The following PECAM1 variants were observed in gnomAD, a reference collection of about 807,000 sequenced individuals.
PECAM1 encodes platelet endothelial cell adhesion molecule.
PECAM1 carries 8 observed loss-of-function variants against 13.8 expected under a neutral mutation model. That is an observed-to-expected ratio of 0.58 (90% CI 0.34 to 1.05). The LOEUF is 1.05. PECAM1 is among the 50% of genes least tolerant of loss of function. PECAM1 has a pLI of 0.03. For missense variants in PECAM1, 304 were observed against 141.2 expected, an observed-to-expected ratio of 2.15 and a Z score of -5.84; for synonymous variants, 136 against 52.6, an observed-to-expected ratio of 2.58 and a Z score of -6.86.
rs2035845670 is a variant in PECAM1, at chr17:64,356,345, C to G, written c.1546G>C (p.Gly516Arg). The change falls in exon 8 of 16, where the codon GGA (glycine) becomes CGA (arginine). Residue 516 changes from glycine (G) to arginine (R), a missense_variant. Physicochemically the swap from Gly to Arg is moderately radical, Grantham distance 125. Coordinates refer to ENST00000563924, the MANE Select transcript of PECAM1 (RefSeq NM_000442.5). ...SILSSKVVES[G>R]EDIVLQCAVN... ...GCACATTGCAGCACAATGTCCTCTC[C>G]AGACTCCACCACCTTACTTGACAGG... is the stretch of plus-strand genomic sequence containing the variant. The G allele has an allele frequency of 2.1e-6, 1 of 473,636 alleles. No homozygotes were observed. Among genetic ancestry groups the G allele is most frequent in the Non-Finnish European group, 3.9e-6 (1 of 258,502 alleles). The allele number at this position is 473,636 out of a possible 1,614,324, so 29.3% of individuals were successfully genotyped here. A position where few individuals can be genotyped will look rare whatever the true frequency, so the allele number is the denominator to read the frequency against.
At chr17:64,360,826 G>A (rs892383503) in intron 6 of PECAM1, among the ~76,000 whole-genome samples, 10 of 151,808 alleles carry the variant, frequency 6.6e-5, no homozygotes, top group African/African-American at 2.4e-4. Context: ...GTGTGTGTGT[G>A]TGTGTGTGTG....
At chr17:64,363,999 C>T (rs903130022) in intron 5 of PECAM1, among the ~76,000 whole-genome samples, 13 of 151,908 alleles carry the variant, frequency 8.6e-5, no homozygotes, top group Admixed American at 3.3e-4. Flanking sequence ...GAAATAGAGA[C>T]ACAAAAAACC....
At chr17:64,361,482 G>A (rs887555704) in intron 6 of PECAM1, among the ~76,000 whole-genome samples, 2 of 151,812 alleles carry the variant, frequency 1.3e-5, no homozygotes, top group Admixed American at 6.6e-5. Context: ...AGCCAGTCAC[G>A]GTGGCTCATG....
intron 14 of PECAM1, among the ~76,000 whole-genome samples, chr17:64,334,901 A>T (rs2143703715): frequency 6.6e-6 from 1 of 152,176 alleles, no homozygotes; most frequent in African/African-American, 2.4e-5. Context: ...ATGCTGAAAG[A>T]TCCCTCCAGG....
chr17:64,323,092 T>C lies in PECAM1; in HGVS notation c.*724A>G. ...AGAATAATATTTGCTGATGGCACCA[T>C]CTTCCTGTCTTTCAGCCTTCAGCAT... On this transcript the variant is annotated 3_prime_UTR_variant, in exon 16 of 16. Transcript: ENST00000563924. The C allele has an allele frequency of 6.1e-6, 6 of 984,416 alleles. No individual in the cohort carries two copies. The highest frequency in any genetic ancestry group is 7.2e-6 in the Non-Finnish European group (6 of 828,974). 61.0% of individuals were successfully genotyped at this position (984,416 alleles called of 1,614,324 possible).
rs2143846627 is a variant in PECAM1 at position 64,369,865 on chromosome 17, A to G, written c.852T>C (p.His284=). ...KDKAIVAHNR[H]GNKAVYSVMA... is the part of the protein sequence containing the mutation. ...TGACTGAGTACACAGCCTTGTTGCCATGTCTGTTGTGGGCCACAATCGCCT... is the reference window on the plus strand; with the variant it reads ...TGACTGAGTACACAGCCTTGTTGCCGTGTCTGTTGTGGGCCACAATCGCCT... Residue 284 remains histidine, a synonymous_variant, in exon 5 of 16, where the codon CAT becomes CAC. Transcript: ENST00000563924. The G allele has an allele frequency of 5.0e-6, 2 of 398,534 alleles. No individual in the cohort carries two copies. The highest frequency in any genetic ancestry group is 3.6e-5 in the East Asian group (1 of 28,070). The allele number at this position is 398,534 out of a possible 1,614,324, so 24.7% of individuals were successfully genotyped here.
intron 5 of PECAM1, among the ~76,000 whole-genome samples, chr17:64,367,006 CAA>C (rs56908523): frequency 8.9e-5 from 11 of 123,910 alleles, no homozygotes; most frequent in African/African-American, 3.0e-4. Flanking sequence ...AACTCCATTT[CAA>C]AAAAAAAAAA....
chr17:64,353,693 G>C (rs2035784075), intron 9 of PECAM1, among the ~76,000 whole-genome samples, 175 bp from the exon 10 acceptor site: 1 of 151,988 alleles, frequency 6.6e-6, no homozygotes, highest in Non-Finnish European at 1.5e-5. Flanking sequence ...AGCTACGTTT[G>C]ACTTCCCAGA....
At chr17:64,366,067 C>A (rs2036097115) in intron 5 of PECAM1, among the ~76,000 whole-genome samples, 1 of 149,134 alleles carries the variant, frequency 6.7e-6, no homozygotes. Flanking sequence ...TTTTTGCAAC[C>A]TACTCATCTG....
intron 14 of PECAM1, among the ~76,000 whole-genome samples, chr17:64,339,454 G>A (rs1249095853): frequency 6.6e-6 from 1 of 151,840 alleles, no homozygotes; most frequent in African/African-American, 2.4e-5. Context: ...TTTGCTTAAC[G>A]AAAGCAACTG....
chr17:64,383,539 G>A (rs1401371659), intron 2 of PECAM1, among the ~76,000 whole-genome samples: 1 of 152,112 alleles, frequency 6.6e-6, no homozygotes, highest in African/African-American at 2.4e-5. Flanking sequence ...CCCCCATACT[G>A]GGGGTTCAGA....
intron 4 of PECAM1, among the ~76,000 whole-genome samples, chr17:64,374,593 G>A: frequency 6.6e-6 from 1 of 152,170 alleles, no homozygotes; most frequent in East Asian, 1.9e-4. Context: ...AGACCAGCCT[G>A]GCCAACATGA....
rs2036332214 is a variant in PECAM1, at chr17:64,375,333, G to A, written c.409C>T (p.Leu137=). The part of the protein sequence containing the change: ...VEGVPSPRVT[L]DKKEAIQGGI... The stretch of plus-strand genomic sequence containing the variant: ...CCTTGGATGGCCTCTTTCTTGTCCA[G>A]TGTCACCCTGGGACTGGGCACTCCT... Residue 137 remains leucine (L), a synonymous_variant, in exon 4 of 16, where the codon CTG becomes TTG. Transcript: ENST00000563924. 6.3e-6 allele frequency: 3 copies of A among 473,814 alleles called. No homozygotes were observed. The highest frequency in any genetic ancestry group is 1.2e-5 in the Non-Finnish European group (3 of 258,474). 29.4% of individuals were successfully genotyped at this position (473,814 alleles called of 1,614,324 possible).
intron 13 of PECAM1, among the ~76,000 whole-genome samples, chr17:64,345,014 C>T (rs1598012736): frequency 6.6e-6 from 1 of 152,174 alleles, no homozygotes; most frequent in Non-Finnish European, 1.5e-5. Context: ...CTCGATACCT[C>T]CTTATTTTTA....
intron 2 of PECAM1, among the ~76,000 whole-genome samples, chr17:64,380,925 TGCAGTAA>T: frequency 6.6e-6 from 1 of 152,106 alleles, no homozygotes; most frequent in South Asian, 2.1e-4. Flanking sequence ...AGGCACAGGT[TGCAGTAA>T]GTTGAGATCA....
chr17:64,345,813 T>C (rs1192817341), intron 13 of PECAM1, among the ~76,000 whole-genome samples: 1 of 151,612 alleles, frequency 6.6e-6, no homozygotes. Context: ...TTGTGCAGAT[T>C]GGGCAGTACA....
At chr17:64,341,431 C>T (rs1342638604) in intron 14 of PECAM1, among the ~76,000 whole-genome samples, 4 of 152,160 alleles carry the variant, frequency 2.6e-5, no homozygotes, top group Non-Finnish European at 5.9e-5. Context: ...TCAAGAAGCG[C>T]TCGTTGACTA....
chr17:64,345,593 A>T (rs1304345288), intron 13 of PECAM1, among the ~76,000 whole-genome samples: 1 of 151,446 alleles, frequency 6.6e-6, no homozygotes, highest in Non-Finnish European at 1.5e-5. Flanking sequence ...GGCGCCTGTA[A>T]CCCCAGCTAC....
At position 64,378,080 on chromosome 17, in the gene PECAM1, C is replaced by T. The variant is rs949276675; in HGVS notation, c.129G>A (p.Pro43=). Residue 43 remains proline (P), a synonymous_variant, in exon 3 of 16, where the codon CCG becomes CCA. Coordinates refer to ENST00000563924, the MANE Select transcript of PECAM1 (RefSeq NM_000442.5). ...TCTTCCCATTTTGCACCGTCCAGTC[C>T]GGCAGGCTCTTCATGTCAACACTGT... is the stretch of plus-strand genomic sequence containing the variant. ...TINSVDMKSL[P]DWTVQNGKNL... The T allele has an allele frequency of 6.3e-6, 3 of 475,084 alleles. No individual in the cohort carries two copies. The highest frequency in any genetic ancestry group is 7.7e-6 in the Non-Finnish European group (2 of 259,040). The allele number at this position is 475,084 out of a possible 1,614,324, so 29.4% of individuals were successfully genotyped here.
Sources: allele counts gnomAD v4.1 joint callset (sites outside exome capture counted in the v4.1 genomes callset), GRCh38; gene constraint gnomAD v4.1.1; transcripts MANE v1.5; gene names NCBI Gene and HGNC (gene_info 2026-07-23, HGNC 2026-07-21).